Variants in CAND1 observed in about 807,000 individuals in gnomAD.
CAND1 encodes the protein cullin-associated NEDD8-dissociated protein 1.
A neutral mutation model predicts 108.5 loss-of-function variants in CAND1; 7 were observed. The ratio of observed to expected loss-of-function variants is 0.06; its 90% confidence interval spans 0.04 to 0.12. The LOEUF is 0.12. Among genes scored for constraint, CAND1 ranks in the 10% least tolerant of loss-of-function variants. CAND1 has a pLI of 1.00. For missense variants in CAND1, 941 were observed against 1,448.7 expected (o/e 0.65, Z 5.69); for synonymous variants, 534 against 512.0 (o/e 1.04, Z -0.58).
rs760002734 is a variant in CAND1, at chr12:67,304,767, T to G, written c.1435+21T>G. On this transcript the variant is annotated intron_variant, in intron 9 of 14. Transcript: ENST00000545606. ...ACCAGGTATGAAAGAAACATAAATC[T>G]CTTTTGGGACTTATTGTAGCCTTTT... 5 of 1,610,212 alleles carry G rather than the reference T, an allele frequency of 3.1e-6. No individual in the cohort carries two copies. In the Admixed American group the frequency reaches 6.8e-5, roughly 22 times the overall value.
Position 67,306,545 on chromosome 12 carries a change from T to A in CAND1, c.2877T>A (p.Thr959=), listed in dbSNP as rs1341026469. 1 of 1,613,972 alleles carries A rather than the reference T, an allele frequency of 6.2e-7. No individual in the cohort carries two copies. The change falls in exon 10 of 15, where the codon ACT becomes ACA. Residue 959 remains threonine, a synonymous_variant. Transcript: ENST00000545606. ...TTGCTGAATGTCTAGGAAAACTCAC[T>A]CTAATTGATCCAGAAACTCTCCTTC... is the stretch of plus-strand genomic sequence containing the variant. The part of the protein sequence containing the change: ...NVVAECLGKL[T]LIDPETLLPR...
At chr12:67,304,580 G>C (rs768918083) in intron 8 of CAND1, 25 bp from the exon 9 acceptor site, 3 of 1,610,750 alleles carry the variant, frequency 1.9e-6, no homozygotes, top group Non-Finnish European at 1.7e-6. Flanking sequence ...AGCTGAACCA[G>C]CTAATGACTA....
At chr12:67,293,032 T>G (rs2044736354) in intron 3 of CAND1, 1 of 403,400 alleles carries the variant, frequency 2.5e-6, no homozygotes, top group Non-Finnish European at 4.5e-6. Flanking sequence ...GAGCAAGATT[T>G]TATACTGTGT....
intron 8 of CAND1, among the ~76,000 whole-genome samples, chr12:67,304,094 A>G (rs1043211387): frequency 6.7e-6 from 1 of 149,430 alleles, no homozygotes; most frequent in African/African-American, 2.5e-5. Flanking sequence ...GGTTCAAGCG[A>G]TTCTCCTGTC....
chr12:67,293,224 T>TA (rs1207073923), intron 3 of CAND1: 5 of 155,848 alleles, frequency 3.2e-5, no homozygotes, highest in African/African-American at 1.2e-4. Flanking sequence ...CTAGTAGCTT[T>TA]AATTAAAGCT....
At chr12:67,290,516 A>G (rs2044712860) in intron 2 of CAND1, among the ~76,000 whole-genome samples, 2 of 152,160 alleles carry the variant, frequency 1.3e-5, no homozygotes, top group African/African-American at 4.8e-5. Flanking sequence ...TCTCAAAAAA[A>G]AAAAACTTAA....
chr12:67,287,023 A>T (rs1019164182), intron 2 of CAND1, among the ~76,000 whole-genome samples: 1 of 152,194 alleles, frequency 6.6e-6, no homozygotes, highest in Non-Finnish European at 1.5e-5. Context: ...GTCTATACTT[A>T]TACCAGTACA....
At chr12:67,307,587 A>G (rs1460978120) in intron 11 of CAND1, 95 bp downstream of exon 11, 9 of 756,726 alleles carry the variant, frequency 1.2e-5, no homozygotes, top group Non-Finnish European at 1.8e-5. Flanking sequence ...AGGAATTAAA[A>G]TGCTTATAAA....
chr12:67,311,280 A>G (rs2044946138), intron 13 of CAND1: 2 of 151,998 alleles, frequency 1.3e-5, no homozygotes, highest in African/African-American at 4.8e-5. Flanking sequence ...TAACTGGTCA[A>G]CTCTGTTATG....
chr12:67,307,225 G>A (rs948584493), intron 10 of CAND1, among the ~76,000 whole-genome samples, 172 bp from the exon 11 acceptor site: 2 of 152,112 alleles, frequency 1.3e-5, no homozygotes, highest in African/African-American at 4.8e-5. Context: ...GTGCTCATAA[G>A]TAAGTTAATT....
In CAND1 at chr12:67,271,226, G is replaced by T. The variant is rs552373201; in HGVS notation, c.68+1441G>T. 9.2e-5 allele frequency among the ~76,000 whole-genome samples: 14 copies of T among 152,248 alleles called. No individual in the cohort carries two copies. The South Asian group carries it at 2.7e-3, about 29-fold the overall frequency. ...TGTGTTTTAGATTTGTGTAGTTCTA[G>T]GGCCAAAATTAAGATTCTTGGGGGA... On this transcript the variant is annotated intron_variant, in intron 1 of 14. Coordinates refer to ENST00000545606, the MANE Select transcript of CAND1 (RefSeq NM_018448.5).
At chr12:67,287,648 T>A (rs929779888) in intron 2 of CAND1, among the ~76,000 whole-genome samples, 4 of 152,088 alleles carry the variant, frequency 2.6e-5, no homozygotes, top group African/African-American at 9.7e-5. Context: ...GCTTTACGAA[T>A]CTGAATCAAA....
chr12:67,275,709 G>A (rs1388761792), intron 1 of CAND1, among the ~76,000 whole-genome samples: 1 of 152,156 alleles, frequency 6.6e-6, no homozygotes, highest in Non-Finnish European at 1.5e-5. Context: ...GTTTATGTAT[G>A]ATGGGAGAGG....
chr12:67,294,654 T>C (rs566517100), intron 3 of CAND1, among the ~76,000 whole-genome samples: 2 of 152,236 alleles, frequency 1.3e-5, no homozygotes, highest in Non-Finnish European at 2.9e-5. Context: ...TATTATCCAG[T>C]AGAAAGAATC....
intron 4 of CAND1, 52 bp from the exon 5 acceptor site, chr12:67,297,355 A>G: frequency 6.5e-7 from 1 of 1,537,062 alleles, no homozygotes. Context: ...AGTAGTGGCC[A>G]GGCATCTTGA....
Position 67,306,093 on chromosome 12 carries a change from G to T in CAND1, c.2425G>T (p.Ala809Ser). The T allele has an allele frequency of 1.9e-6, 3 of 1,614,128 alleles. No individual in the cohort carries two copies. The highest frequency in any genetic ancestry group is 2.5e-6 in the Non-Finnish European group (3 of 1,179,992). The change falls in exon 10 of 15, where the codon GCA becomes TCA. Residue 809 changes from alanine to serine, a missense_variant. By Grantham distance (99) the Ala-to-Ser change is moderately conservative. Transcript: ENST00000545606. Reference protein sequence around the residue: ...IAKCVAALTRACPKEGPAVVG... With the variant: ...IAKCVAALTRSCPKEGPAVVG... ...CAAATGTGTAGCTGCCCTTACTCGA[G>T]CATGCCCTAAAGAGGGACCAGCTGT... is the stretch of plus-strand genomic sequence containing the variant.
At chr12:67,286,829 A>G (rs908627072) in intron 2 of CAND1, among the ~76,000 whole-genome samples, 5 of 152,072 alleles carry the variant, frequency 3.3e-5, no homozygotes, top group Non-Finnish European at 7.4e-5. Flanking sequence ...ATTTTTGCAA[A>G]GGATGTGAGG....
At chr12:67,299,586 AGTTT>A (rs2044803945) in intron 7 of CAND1, among the ~76,000 whole-genome samples, 2 of 152,118 alleles carry the variant, frequency 1.3e-5, no homozygotes, top group South Asian at 4.1e-4. Context: ...AAAGAATATT[AGTTT>A]GTTTATTCAT....
Position 67,306,877 on chromosome 12 carries a change from T to C in CAND1, c.2929+280T>C, listed in dbSNP as rs1188273827. On this transcript the variant is annotated intron_variant, in intron 10 of 14. Coordinates refer to ENST00000545606, the MANE Select transcript of CAND1 (RefSeq NM_018448.5). ...ATATTGTGTTAAAATGTGGAAAAGA[T>C]GTATCTAATGAATTAACATAATCTG... Among the ~76,000 whole-genome samples the C allele has an allele frequency of 4.1e-4, 63 of 152,200 alleles. 2 individuals carry two copies. The highest frequency in any genetic ancestry group is 2.9e-5 in the Non-Finnish European group (2 of 68,008).
Sources: gnomAD v4.1 joint callset for allele counts (sites outside exome capture counted in the v4.1 genomes callset) on GRCh38, gnomAD v4.1.1 for gene constraint, MANE v1.5 for transcripts, NCBI Gene and HGNC (gene_info 2026-07-23, HGNC 2026-07-21) for gene names.